GRM8: variants seen among roughly 807,000 people sequenced by gnomAD.
The protein encoded by GRM8 is metabotropic glutamate receptor 8.
GRM8 carries 47 observed loss-of-function variants against 87.2 expected under a neutral mutation model. The ratio of observed to expected loss-of-function variants is 0.54; its 90% confidence interval spans 0.43 to 0.69. GRM8 has a LOEUF of 0.69. GRM8 is among the 30% of genes least tolerant of loss of function. GRM8 has a pLI of 0.00. For synonymous variants in GRM8, 396 were observed against 404.5 expected (o/e 0.98, Z 0.25); for missense variants, 1,019 against 1,139.2 (o/e 0.89, Z 1.52).
intron 7 of GRM8, among the ~76,000 whole-genome samples, chr7:126,691,507 C>T (rs1808806654): frequency 6.6e-6 from 1 of 152,144 alleles, no homozygotes; most frequent in Non-Finnish European, 1.5e-5. Context: ...TGGAAGGGGG[C>T]AGGGCTTCCA....
chr7:126,635,721 T>A (rs1801788042), intron 7 of GRM8, among the ~76,000 whole-genome samples: 1 of 152,128 alleles, frequency 6.6e-6, no homozygotes, highest in South Asian at 2.1e-4. Context: ...ATAACACAGG[T>A]GGCATACCTG....
intron 7 of GRM8, among the ~76,000 whole-genome samples, chr7:126,663,897 C>G (rs1026150244): frequency 3.3e-5 from 5 of 152,176 alleles, no homozygotes; most frequent in Non-Finnish European, 5.9e-5. Context: ...AAAACCATCT[C>G]AGACTCCACC....
intron 7 of GRM8, among the ~76,000 whole-genome samples, chr7:126,737,981 TAA>T (rs755920168): frequency 2.0e-5 from 3 of 151,946 alleles, no homozygotes; most frequent in Non-Finnish European, 4.4e-5. Context: ...TTTTGAAAGA[TAA>T]AGAGTAAAAG....
intron 5 of GRM8, among the ~76,000 whole-genome samples, chr7:126,903,401 A>T (rs1802292270): frequency 6.6e-6 from 1 of 151,688 alleles, no homozygotes; most frequent in African/African-American, 2.4e-5. Flanking sequence ...ATATATATTC[A>T]TTTTCTATAA....
At chr7:127,089,785 G>A (rs1823874080) in intron 3 of GRM8, among the ~76,000 whole-genome samples, 2 of 152,216 alleles carry the variant, frequency 1.3e-5, no homozygotes, top group Admixed American at 1.3e-4. Flanking sequence ...CACTACTTAA[G>A]GGAACCCAGG....
intron 7 of GRM8, among the ~76,000 whole-genome samples, chr7:126,705,072 T>C (rs571600589): frequency 1.2e-3 from 177 of 152,226 alleles, no homozygotes; most frequent in African/African-American, 4.0e-3. Context: ...ACGCCCAGCT[T>C]TAAAATTTCT....
intron 7 of GRM8, among the ~76,000 whole-genome samples, chr7:126,760,052 A>G (rs1340359656): frequency 6.6e-6 from 1 of 152,062 alleles, no homozygotes; most frequent in East Asian, 1.9e-4. Flanking sequence ...CACCACCTCA[A>G]ATCTTCTCTG....
At chr7:126,594,750 A>G (rs371107457) in intron 8 of GRM8, among the ~76,000 whole-genome samples, 10 of 152,294 alleles carry the variant, frequency 6.6e-5, no homozygotes, top group African/African-American at 2.4e-4. Flanking sequence ...AATCATGACT[A>G]TGTGAGGTAA....
chr7:126,891,393 C>T (rs1045975911), intron 6 of GRM8, among the ~76,000 whole-genome samples: 19 of 151,944 alleles, frequency 1.3e-4, no homozygotes, highest in Admixed American at 2.6e-4. Flanking sequence ...CCAGAATAAT[C>T]TTTCTAAGAT....
intron 7 of GRM8, among the ~76,000 whole-genome samples, chr7:126,677,235 T>C (rs1350362842): frequency 6.6e-6 from 1 of 151,936 alleles, no homozygotes; most frequent in African/African-American, 2.4e-5. Context: ...AAGGGAACAC[T>C]TACACACCGG....
At chr7:126,842,480 C>T (rs1012086307) in intron 6 of GRM8, among the ~76,000 whole-genome samples, 3 of 152,194 alleles carry the variant, frequency 2.0e-5, no homozygotes, top group Non-Finnish European at 4.4e-5. Context: ...CTAATGCCTG[C>T]CACCAAAGAT....
chr7:126,856,095 G>GT (rs940068156), intron 6 of GRM8, among the ~76,000 whole-genome samples: 27 of 151,382 alleles, frequency 1.8e-4, no homozygotes, highest in African/African-American at 4.4e-4. Context: ...AAAAATCTAC[G>GT]TTTTTTTTCC....
intron 7 of GRM8, among the ~76,000 whole-genome samples, chr7:126,642,361 A>G (rs28556928): frequency 0.31 from 46,880 of 152,104 alleles, 8,121 homozygotes; most frequent in East Asian, 0.43. Context: ...ACTGTAGGCC[A>G]GGGGCGGTGG....
intron 7 of GRM8, among the ~76,000 whole-genome samples, chr7:126,696,279 C>A (rs918853739): frequency 6.6e-6 from 1 of 152,128 alleles, no homozygotes; most frequent in Non-Finnish European, 1.5e-5. Flanking sequence ...GTTTGTTACA[C>A]AGGTAAACGT....
At chr7:126,518,418 A>C (rs1401566163) in intron 9 of GRM8, among the ~76,000 whole-genome samples, 1 of 152,118 alleles carries the variant, frequency 6.6e-6, no homozygotes, top group Non-Finnish European at 1.5e-5. Flanking sequence ...GCTGTGGGCT[A>C]TACTTTTATT....
At chr7:126,975,733 G>A (rs893141696) in intron 3 of GRM8, among the ~76,000 whole-genome samples, 42 of 152,006 alleles carry the variant, frequency 2.8e-4, no homozygotes, top group African/African-American at 8.9e-4. Context: ...AATTATCTCC[G>A]GTAGTCTCCA....
chr7:126,628,733 A>G (rs979555245), intron 7 of GRM8, among the ~76,000 whole-genome samples: 1 of 152,226 alleles, frequency 6.6e-6, no homozygotes, highest in African/African-American at 2.4e-5. Context: ...ATTTAAATAC[A>G]TGTTTAAATA....
chr7:127,012,505 T>C (rs1814993672), intron 3 of GRM8, among the ~76,000 whole-genome samples: 1 of 152,196 alleles, frequency 6.6e-6, no homozygotes, highest in Non-Finnish European at 1.5e-5. Context: ...AAATACTCCA[T>C]AATTGCAGGC....
At chr7:127,013,799 C>A (rs1480997248) in intron 3 of GRM8, among the ~76,000 whole-genome samples, 4 of 152,092 alleles carry the variant, frequency 2.6e-5, no homozygotes, top group African/African-American at 9.7e-5. Context: ...AAGCATAAAA[C>A]CTATAATCAA....
Sources: allele counts gnomAD v4.1 joint callset (sites outside exome capture counted in the v4.1 genomes callset), GRCh38; gene constraint gnomAD v4.1.1; transcripts MANE v1.5; gene names NCBI Gene and HGNC (gene_info 2026-07-23, HGNC 2026-07-21).